The following FRAS1 variants were observed in gnomAD, a reference collection of about 807,000 sequenced individuals.
FRAS1 encodes the protein extracellular matrix organizing protein FRAS1.
Under a neutral mutation model 435.2 loss-of-function variants are expected in FRAS1, and 290 were observed. The observed-to-expected ratio is 0.67, with a 90% CI of 0.61 to 0.73. The LOEUF (loss-of-function observed/expected upper bound fraction) is 0.73, where lower values mean the gene tolerates loss of function less well. Among genes scored for constraint, FRAS1 ranks in the 30% least tolerant of loss-of-function variants. The probability of loss-of-function intolerance (pLI) is 0.00; values close to 1 mark genes in which losing one functional copy is unlikely to be tolerated. For missense variants in FRAS1, 4,860 were observed against 5,001.5 expected (o/e 0.97, Z 0.85); for synonymous variants, 1,800 against 1,851.0 (o/e 0.97, Z 0.71).
At chr4:78,295,355 C>G (rs749497618) in intron 14 of FRAS1, among the ~76,000 whole-genome samples, 1 of 152,204 alleles carries the variant, frequency 6.6e-6, no homozygotes, top group Non-Finnish European at 1.5e-5. Context: ...CTAATTTGTA[C>G]TCTTACCAGA....
rs372690427 is a variant in FRAS1 at position 78,389,737 on chromosome 4, G to A, written c.3975+2036G>A. 2.5e-4 allele frequency among the ~76,000 whole-genome samples: 38 copies of A among 152,144 alleles called. 1 individual carries two copies. Among genetic ancestry groups the A allele is most frequent in the Admixed American group, 7.9e-4 (12 of 15,274 alleles). On this transcript the variant is annotated intron_variant, in intron 29 of 73. Transcript: ENST00000512123. Reference sequence around the variant, plus strand: ...TTCCTATTGTGGCTTCCATCTCCACGTTTGGAGCTCAGTTCAGTGTGTTGC... The same window carrying A: ...TTCCTATTGTGGCTTCCATCTCCACATTTGGAGCTCAGTTCAGTGTGTTGC...
At chr4:78,488,756 A>G in intron 58 of FRAS1, 119 bp from the exon 59 acceptor site, 1 of 816,530 alleles carries the variant, frequency 1.2e-6, no homozygotes, top group Admixed American at 2.4e-5. Context: ...TTGTCAGCCT[A>G]CCTTGGGCTT....
At chr4:78,152,230 C>A (rs1441692978) in intron 2 of FRAS1, among the ~76,000 whole-genome samples, 6 of 152,114 alleles carry the variant, frequency 3.9e-5, no homozygotes, top group Non-Finnish European at 8.8e-5. Context: ...CTTGTGGATT[C>A]ATGTATTTGG....
In FRAS1 at chr4:78,384,220, A is replaced by G. The variant is rs1732133073; in HGVS notation, c.3648+77A>G. ...AGCACGAAATCTAGGTTTCCTGTGG[A>G]TTTAATGAAAATTATTGCATTAAAT... On this transcript the variant is annotated intron_variant, in intron 28 of 73. Transcript: ENST00000512123. 9.6e-6 allele frequency: 10 copies of G among 1,046,724 alleles called. No individual in the cohort carries two copies. In the Admixed American group the frequency reaches 1.2e-4, roughly 13 times the overall value. The allele number at this position is 1,046,724 out of a possible 1,614,324, so 64.8% of individuals were successfully genotyped here. A position where few individuals can be genotyped will look rare whatever the true frequency, so the allele number is the denominator to read the frequency against.
chr4:78,467,131 T>C (rs962423216), intron 50 of FRAS1, among the ~76,000 whole-genome samples: 9 of 152,190 alleles, frequency 5.9e-5, no homozygotes, highest in African/African-American at 1.9e-4. Context: ...ATTAAATTAT[T>C]TTTGACATTA....
intron 67 of FRAS1, among the ~76,000 whole-genome samples, chr4:78,520,256 GTT>G (rs3028431): frequency 0.14 from 20,472 of 143,422 alleles, 1,722 homozygotes; most frequent in Non-Finnish European, 0.2. Context: ...TGTTTTTCTT[GTT>G]TTTTTTTTTT....
chr4:78,399,197 T>C (rs568989564), intron 29 of FRAS1, among the ~76,000 whole-genome samples: 1 of 152,344 alleles, frequency 6.6e-6, no homozygotes. Flanking sequence ...GTTGCTGCTG[T>C]TCTCATGGGC....
chr4:78,482,486 G>A lies in FRAS1; in HGVS notation c.8703G>A (p.Leu2901=), dbSNP rs751380310. ...TCAGCTCAGCACAAGGAGCCGAACTGACCAAACCCTTCCAGGCAGTCATTG... is the reference window on the plus strand; with the variant it reads ...TCAGCTCAGCACAAGGAGCCGAACTAACCAAACCCTTCCAGGCAGTCATTG... ...VFLSSAQGAE[L]TKPFQAVIAI... Residue 2901 remains leucine (L), a synonymous_variant, in exon 58 of 74, where the codon CTG becomes CTA. Transcript: ENST00000512123. The A allele has an allele frequency of 1.2e-6, 2 of 1,613,926 alleles. No individual in the cohort carries two copies. The highest frequency in any genetic ancestry group is 2.2e-5 in the South Asian group (2 of 91,074).
intron 2 of FRAS1, among the ~76,000 whole-genome samples, chr4:78,076,086 C>T (rs188551359): frequency 1.6e-4 from 24 of 152,224 alleles, no homozygotes; most frequent in African/African-American, 5.5e-4. Context: ...GAGCACCATC[C>T]TCTGTTGTGT....
In FRAS1 at chr4:78,374,271, T is replaced by G. The variant is rs369103934; in HGVS notation, c.3151+20T>G. 1.3e-6 allele frequency: 2 copies of G among 1,543,942 alleles called. No individual in the cohort carries two copies. Among genetic ancestry groups the G allele is most frequent in the Non-Finnish European group, 1.8e-6 (2 of 1,130,004 alleles). On this transcript the variant is annotated intron_variant, in intron 25 of 73. Coordinates refer to ENST00000512123, the MANE Select transcript of FRAS1 (RefSeq NM_025074.7). ...GCACAGGTAACTTGGAGACTGCTGA[T>G]TATTCTGGAAAGAAGTGAGGGCAGC...
intron 67 of FRAS1, among the ~76,000 whole-genome samples, chr4:78,519,799 C>T (rs919707493): frequency 2.6e-5 from 4 of 152,130 alleles, no homozygotes; most frequent in Non-Finnish European, 4.4e-5. Context: ...TTTTCATTTT[C>T]TCCTAGTGAA....
chr4:78,085,441 G>C (rs143036150), intron 2 of FRAS1, among the ~76,000 whole-genome samples: 1,902 of 152,198 alleles, frequency 0.012, 16 homozygotes, highest in Non-Finnish European at 0.018. Flanking sequence ...CACCAACTTA[G>C]AGCCTAAGGA....
At chr4:78,539,479 C>T (rs1390741) in intron 73 of FRAS1, 39 bp downstream of exon 73, 1 of 1,290,450 alleles carries the variant, frequency 7.7e-7, no homozygotes, top group Non-Finnish European at 1.1e-6. Context: ...AAGACCAAGT[C>T]TACTTTAAAG....
In FRAS1 at chr4:78,413,205, G is replaced by C. The variant is rs945442827; in HGVS notation, c.4425+120G>C. The C allele has an allele frequency of 7.3e-6, 4 of 548,620 alleles. No individual in the cohort carries two copies. The East Asian group carries it at 1.3e-4, about 18-fold the overall frequency. The allele number at this position is 548,620 out of a possible 1,614,324, so 34.0% of individuals were successfully genotyped here. On this transcript the variant is annotated intron_variant, in intron 32 of 73. Transcript: ENST00000512123. The stretch of plus-strand genomic sequence containing the variant: ...GTGCCTGGCCCAGATCACAGACTTG[G>C]GGGCCAAAAAGCCTAGTGGTCACAT...
intron 14 of FRAS1, among the ~76,000 whole-genome samples, chr4:78,306,166 T>C (rs1049153445): frequency 6.6e-6 from 1 of 152,128 alleles, no homozygotes. Flanking sequence ...AAAATTCTTT[T>C]CTTTAAGAAT....
At chr4:78,089,528 T>C (rs1741392514) in intron 2 of FRAS1, among the ~76,000 whole-genome samples, 1 of 152,148 alleles carries the variant, frequency 6.6e-6, no homozygotes, top group African/African-American at 2.4e-5. Flanking sequence ...ATGTGAATCA[T>C]TTATTTAGAC....
intron 22 of FRAS1, among the ~76,000 whole-genome samples, chr4:78,366,049 G>A (rs765933870): frequency 3.3e-5 from 5 of 152,012 alleles, no homozygotes; most frequent in African/African-American, 4.8e-5. Flanking sequence ...TAGAAATTCT[G>A]CAATAAGGGC....
intron 2 of FRAS1, among the ~76,000 whole-genome samples, chr4:78,188,320 A>ATCTATCTG (rs1560570763): frequency 1.9e-3 from 10 of 5,382 alleles, no homozygotes; most frequent in African/African-American, 2.1e-3. Flanking sequence ...TATCTATCTA[A>ATCTATCTG]TCTATCTATC....
chr4:78,422,504 G>T (rs1333292663), intron 34 of FRAS1, among the ~76,000 whole-genome samples: 1 of 152,188 alleles, frequency 6.6e-6, no homozygotes, highest in Non-Finnish European at 1.5e-5. Context: ...ACGAGGAAAA[G>T]TGTATGTATT....
Sources: allele counts gnomAD v4.1 joint callset (sites outside exome capture counted in the v4.1 genomes callset), GRCh38; gene constraint gnomAD v4.1.1; transcripts MANE v1.5; gene names NCBI Gene and HGNC (gene_info 2026-07-23, HGNC 2026-07-21).